TIAM1: variants seen among roughly 807,000 people sequenced by gnomAD.
The protein encoded by TIAM1 is TIAM Rac1 associated GEF 1.
A neutral mutation model predicts 163.5 loss-of-function variants in TIAM1; 65 were observed. That is an observed-to-expected ratio of 0.40 (90% CI 0.33 to 0.49). The LOEUF is 0.49. TIAM1 is among the 20% of genes least tolerant of loss of function. The pLI, the probability that TIAM1 is intolerant of heterozygous loss-of-function variation, is 0.77. For synonymous variants in TIAM1, 833 were observed against 810.1 expected (o/e 1.03, Z -0.48); for missense variants, 1,789 against 2,044.7 (o/e 0.87, Z 2.41).
intron 1 of TIAM1, among the ~76,000 whole-genome samples, chr21:31,535,137 C>T (rs933789857): frequency 2.7e-5 from 4 of 150,734 alleles, no homozygotes; most frequent in Non-Finnish European, 4.4e-5. Context: ...AATCCCAGCA[C>T]TTTGGGAGGC....
intron 2 of TIAM1, among the ~76,000 whole-genome samples, chr21:31,292,843 A>C (rs1476907417): frequency 6.6e-6 from 1 of 151,368 alleles, no homozygotes; most frequent in Non-Finnish European, 1.5e-5. Context: ...TAATTTTTGT[A>C]TTTTTAGTAG....
At chr21:31,504,587 C>T (rs2046966244) in intron 1 of TIAM1, among the ~76,000 whole-genome samples, 1 of 113,030 alleles carries the variant, frequency 8.8e-6, no homozygotes, top group African/African-American at 2.6e-5. Flanking sequence ...GCTGGTAAAG[C>T]TCCTACTTCC....
chr21:31,268,363 C>T (rs1601770372), intron 3 of TIAM1, among the ~76,000 whole-genome samples: 1 of 152,176 alleles, frequency 6.6e-6, no homozygotes, highest in African/African-American at 2.4e-5. Context: ...GCAAAGAGAT[C>T]GAAAGAGCCT....
chr21:31,450,889 T>C (rs2044809755), intron 2 of TIAM1, among the ~76,000 whole-genome samples: 1 of 151,986 alleles, frequency 6.6e-6, no homozygotes, highest in Non-Finnish European at 1.5e-5. Flanking sequence ...CTGGGTCCCT[T>C]CCACAACATG....
intron 2 of TIAM1, among the ~76,000 whole-genome samples, chr21:31,356,571 C>G (rs1362486033): frequency 6.6e-6 from 1 of 152,162 alleles, no homozygotes; most frequent in Non-Finnish European, 1.5e-5. Flanking sequence ...AAAGAGGTCT[C>G]GGAGTTCATT....
chr21:31,496,646 G>A (rs7282833), intron 1 of TIAM1, among the ~76,000 whole-genome samples: 92,606 of 151,668 alleles, frequency 0.61, 28,716 homozygotes, highest in East Asian at 0.85. Flanking sequence ...TGTAGCCTAA[G>A]TGTCCAATAT....
chr21:31,232,438 G>T (rs2088494415), intron 6 of TIAM1, among the ~76,000 whole-genome samples: 1 of 152,112 alleles, frequency 6.6e-6, no homozygotes, highest in African/African-American at 2.4e-5. Flanking sequence ...GAGCTTTTCT[G>T]CAGTTTGTCC....
intron 2 of TIAM1, among the ~76,000 whole-genome samples, chr21:31,351,918 A>T (rs1326615550): frequency 6.6e-6 from 1 of 152,048 alleles, no homozygotes; most frequent in Non-Finnish European, 1.5e-5. Flanking sequence ...AAACACAAAA[A>T]TTAGCCGGGT....
intron 7 of TIAM1, 35 bp downstream of exon 7, chr21:31,225,691 A>G (rs2087916518): frequency 1.3e-6 from 2 of 1,581,566 alleles, no homozygotes; most frequent in African/African-American, 1.3e-5. Context: ...AGACCTAACA[A>G]TTTTGTCCGG....
intron 2 of TIAM1, among the ~76,000 whole-genome samples, chr21:31,408,877 A>G (rs555122575): frequency 8.5e-5 from 13 of 152,236 alleles, no homozygotes; most frequent in Admixed American, 7.2e-4. Flanking sequence ...AATAAATCGG[A>G]AACCTAGAAG....
chr21:31,291,504 T>C (rs1423491221), intron 2 of TIAM1, among the ~76,000 whole-genome samples: 1 of 152,106 alleles, frequency 6.6e-6, no homozygotes, highest in Admixed American at 6.5e-5. Context: ...TCAAATTCCA[T>C]GCCTTTATTT....
chr21:31,209,321 C>T (rs2086609109), intron 11 of TIAM1, among the ~76,000 whole-genome samples: 1 of 152,252 alleles, frequency 6.6e-6, no homozygotes, highest in African/African-American at 2.4e-5. Flanking sequence ...TAAAGTTCTT[C>T]TTTCCTCTCT....
intron 19 of TIAM1, among the ~76,000 whole-genome samples, chr21:31,150,746 A>G (rs1240159392): frequency 6.6e-6 from 1 of 152,192 alleles, no homozygotes; most frequent in Non-Finnish European, 1.5e-5. Context: ...ACTTCATCAA[A>G]ATTAAAAACT....
intron 10 of TIAM1, 30 bp downstream of exon 10, chr21:31,213,368 T>C: frequency 1.9e-6 from 3 of 1,591,936 alleles, no homozygotes; most frequent in African/African-American, 1.4e-5. Flanking sequence ...TGTGGTACTT[T>C]TAGAAAAGAA....
At chr21:31,513,355 A>T (rs1025999742) in intron 1 of TIAM1, among the ~76,000 whole-genome samples, 1 of 152,224 alleles carries the variant, frequency 6.6e-6, no homozygotes, top group African/African-American at 2.4e-5. Context: ...CCAGTCCACT[A>T]GTCTGTGCTG....
At chr21:31,554,700 C>T (rs945473495) in intron 1 of TIAM1, among the ~76,000 whole-genome samples, 10 of 152,142 alleles carry the variant, frequency 6.6e-5, no homozygotes, top group African/African-American at 1.9e-4. Flanking sequence ...ATCATGCCTG[C>T]GTAGTACCCC....
chr21:31,146,387 G>A (rs1437736048), intron 20 of TIAM1, among the ~76,000 whole-genome samples: 1 of 122,172 alleles, frequency 8.2e-6, no homozygotes, highest in African/African-American at 3.2e-5. Context: ...CCAAGTGACA[G>A]AGCAAGGCTC....
chr21:31,379,611 G>C (rs1383290495), intron 2 of TIAM1, among the ~76,000 whole-genome samples: 4 of 151,746 alleles, frequency 2.6e-5, no homozygotes, highest in Admixed American at 2.6e-4. Flanking sequence ...TGGCCAAAAA[G>C]AAAAATAACC....
intron 2 of TIAM1, among the ~76,000 whole-genome samples, chr21:31,384,487 ATTGT>A (rs2147181391): frequency 1.3e-5 from 2 of 151,810 alleles, no homozygotes; most frequent in South Asian, 4.2e-4. Flanking sequence ...AGGTGGGAGG[ATTGT>A]TTGAGCACAG....
Sources: allele counts gnomAD v4.1 joint callset (sites outside exome capture counted in the v4.1 genomes callset), GRCh38; gene constraint gnomAD v4.1.1; transcripts MANE v1.5; gene names NCBI Gene and HGNC (gene_info 2026-07-23, HGNC 2026-07-21).